The following SEZ6L2 variants were observed in gnomAD, a reference collection of about 807,000 sequenced individuals.
SEZ6L2 encodes seizure 6-like protein 2.
SEZ6L2 carries 44 observed loss-of-function variants against 97.0 expected under a neutral mutation model. That is an observed-to-expected ratio of 0.45 (90% CI 0.36 to 0.58). The LOEUF is 0.58. Ranked by LOEUF, SEZ6L2 falls within the 20% of genes least tolerant of loss-of-function variation. The pLI, the probability that SEZ6L2 is intolerant of heterozygous loss-of-function variation, is 0.00. For missense variants in SEZ6L2, 1,086 were observed against 1,233.3 expected, an observed-to-expected ratio of 0.88 and a Z score of 1.79; for synonymous variants, 543 against 546.1, an observed-to-expected ratio of 0.99 and a Z score of 0.08.
rs1262592398 is a variant in SEZ6L2, at chr16:29,877,605, GC to G, written c.1713-139del. The G allele has an allele frequency of 9.9e-6, 8 of 807,360 alleles. No homozygotes were observed. In the African/African-American group the frequency reaches 1.4e-4, roughly 14 times the overall value. 50.0% of individuals were successfully genotyped at this position (807,360 alleles called of 1,614,324 possible). A position where few individuals can be genotyped will look rare whatever the true frequency, so the allele number is the denominator to read the frequency against. ...CCCATATTCTCCTATCCCAGGTCTG[GC>G]GCCGCCTCCGTTTTGACCAACCATG... On this transcript the variant is annotated intron_variant, in intron 10 of 17. Transcript: ENST00000617533.
intron 8 of SEZ6L2, among the ~76,000 whole-genome samples, chr16:29,882,208 T>A (rs2150792956): frequency 6.6e-6 from 1 of 152,022 alleles, no homozygotes; most frequent in African/African-American, 2.4e-5. Flanking sequence ...TGGGCTCAAG[T>A]GATCCACCTG....
intron 8 of SEZ6L2, among the ~76,000 whole-genome samples, chr16:29,880,403 G>A (rs1035819260): frequency 6.6e-6 from 1 of 151,520 alleles, no homozygotes. Context: ...TTGGCTCACC[G>A]CAACCTCCGC....
At chr16:29,893,254 G>A (rs923487032) in intron 5 of SEZ6L2, among the ~76,000 whole-genome samples, 2 of 152,050 alleles carry the variant, frequency 1.3e-5, no homozygotes, top group African/African-American at 4.8e-5. Flanking sequence ...AACCCGGGAG[G>A]CAGAGGCTGC....
chr16:29,889,863 A>G (rs1187935438), intron 5 of SEZ6L2, among the ~76,000 whole-genome samples: 1 of 151,240 alleles, frequency 6.6e-6, no homozygotes, highest in Non-Finnish European at 1.5e-5. Context: ...CCTGGCCTCA[A>G]GCAAACATGA....
At position 29,876,739 on chromosome 16, in the gene SEZ6L2, G is replaced by C; in HGVS notation, c.2104+17C>G. On this transcript the variant is annotated intron_variant, in intron 12 of 17. Transcript: ENST00000617533. The surrounding 1 kb of genome is among the most constrained non-coding windows in gnomAD (Gnocchi z 6.5). ...GGAAGGGGCGGGGCCGAGGGGACGC[G>C]GGCGGGGCCGGCTCACTCTTTTGGC... 8 of 1,520,000 alleles carry C rather than the reference G, an allele frequency of 5.3e-6. No homozygotes were observed. The South Asian group carries it at 7.3e-5, about 14-fold the overall frequency. 94.2% of individuals were successfully genotyped at this position (1,520,000 alleles called of 1,614,324 possible).
Position 29,887,610 on chromosome 16 carries a change from C to T in SEZ6L2, c.1208+39G>A, listed in dbSNP as rs754786959. ...TACAGGCATGAGCCACCATGCCCGG[C>T]CAAGGTGGGGACTTCTGACCCAAGA... is the stretch of plus-strand genomic sequence containing the variant. On this transcript the variant is annotated intron_variant, in intron 7 of 17. Transcript: ENST00000617533. 4.6e-6 allele frequency: 7 copies of T among 1,516,470 alleles called. No individual in the cohort carries two copies. In the East Asian group the frequency reaches 1.7e-4, roughly 36 times the overall value. 93.9% of individuals were successfully genotyped at this position (1,516,470 alleles called of 1,614,324 possible).
At chr16:29,879,619 T>C (rs1186121701) in intron 9 of SEZ6L2, among the ~76,000 whole-genome samples, 1 of 152,212 alleles carries the variant, frequency 6.6e-6, no homozygotes, top group Non-Finnish European at 1.5e-5. Context: ...GCCTGCCCAA[T>C]CTGTGACTTA....
chr16:29,896,129 A>C (rs566821905), intron 3 of SEZ6L2, among the ~76,000 whole-genome samples: 39 of 152,130 alleles, frequency 2.6e-4, no homozygotes, highest in African/African-American at 8.7e-4. Context: ...TGGTGAGACA[A>C]TTTTTAAAAC....
intron 5 of SEZ6L2, among the ~76,000 whole-genome samples, chr16:29,892,932 C>T (rs1194387581): frequency 6.6e-6 from 1 of 152,226 alleles, no homozygotes; most frequent in African/African-American, 2.4e-5. Context: ...GTCATAGGTC[C>T]TAACAAATGC....
rs754162137 is a variant in SEZ6L2 at position 29,897,057 on chromosome 16, C to T, written c.276G>A (p.Leu92=). The T allele has an allele frequency of 1.3e-6, 2 of 1,581,386 alleles. No individual in the cohort carries two copies. The highest frequency in any genetic ancestry group is 1.1e-5 in the South Asian group (1 of 88,536). ...PAGQTLAVPS[L]PRATEPGTGP... Reference sequence around the variant, plus strand: ...CTGTCCCCGGCTCAGTGGCCCGTGGCAGGGAGGGCACTGCGAGAGTCTGGC... The same window carrying T: ...CTGTCCCCGGCTCAGTGGCCCGTGGTAGGGAGGGCACTGCGAGAGTCTGGC... Residue 92 remains leucine (L), a synonymous_variant, in exon 3 of 18, where the codon CTG becomes CTA. Transcript: ENST00000617533.
intron 4 of SEZ6L2, 73 bp downstream of exon 4, chr16:29,895,648 C>T: frequency 6.5e-7 from 1 of 1,533,836 alleles, no homozygotes; most frequent in Non-Finnish European, 8.8e-7. Flanking sequence ...GCTCCCAGGC[C>T]AAACCCGTGC....
intron 5 of SEZ6L2, among the ~76,000 whole-genome samples, chr16:29,894,479 TC>T (rs2068337120): frequency 7.2e-6 from 1 of 139,052 alleles, no homozygotes; most frequent in South Asian, 2.7e-4. Context: ...AGCTTAGTCA[TC>T]ATCTCCTCCA....
chr16:29,873,780 C>T lies in SEZ6L2; in HGVS notation c.2105-51G>A, dbSNP rs751031052. 30 of 1,488,026 alleles carry T rather than the reference C, an allele frequency of 2.0e-5. No homozygotes were observed. The highest frequency in any genetic ancestry group is 4.2e-5 in the African/African-American group (3 of 71,834). 92.2% of individuals were successfully genotyped at this position (1,488,026 alleles called of 1,614,324 possible). On this transcript the variant is annotated intron_variant, in intron 12 of 17. Transcript: ENST00000617533. This position sits in a 1 kb window ranked among gnomAD's most constrained non-coding sequence, Gnocchi z 4.3. ...GGGAGCGAGGGCCTTCAAAGATCAGCCTGGGCAACACAGAGAGACCCCATC... is the reference window on the plus strand; with the variant it reads ...GGGAGCGAGGGCCTTCAAAGATCAGTCTGGGCAACACAGAGAGACCCCATC...
At chr16:29,896,134 T>A (rs533741008) in intron 3 of SEZ6L2, among the ~76,000 whole-genome samples, 25 of 152,180 alleles carry the variant, frequency 1.6e-4, no homozygotes, top group African/African-American at 5.8e-4. Context: ...AGACAATTTT[T>A]AAAACTTTTT....
At chr16:29,894,501 C>T (rs1269886466) in intron 5 of SEZ6L2, among the ~76,000 whole-genome samples, 3 of 148,994 alleles carry the variant, frequency 2.0e-5, no homozygotes, top group Admixed American at 6.7e-5. Flanking sequence ...AGAAGATGTC[C>T]CCATATTCCT....
intron 5 of SEZ6L2, among the ~76,000 whole-genome samples, chr16:29,891,015 C>T (rs1596986316): frequency 6.6e-6 from 1 of 151,964 alleles, no homozygotes; most frequent in East Asian, 1.9e-4. Context: ...GATCTTGGCT[C>T]ACTGCAACCT....
rs1255681399 is a variant in SEZ6L2, at chr16:29,876,741, G to A, written c.2104+15C>T. 1.3e-6 allele frequency: 2 copies of A among 1,522,904 alleles called. No individual in the cohort carries two copies. The highest frequency in any genetic ancestry group is 1.8e-6 in the Non-Finnish European group (2 of 1,130,582). 94.3% of individuals were successfully genotyped at this position (1,522,904 alleles called of 1,614,324 possible). ...AAGGGGCGGGGCCGAGGGGACGCGG[G>A]CGGGGCCGGCTCACTCTTTTGGCAG... On this transcript the variant is annotated intron_variant, in intron 12 of 17. Coordinates refer to ENST00000617533, the MANE Select transcript of SEZ6L2 (RefSeq NM_001243332.2). This position sits in a 1 kb window ranked among gnomAD's most constrained non-coding sequence, Gnocchi z 6.5.
intron 8 of SEZ6L2, among the ~76,000 whole-genome samples, chr16:29,884,019 A>G (rs1303136841): frequency 6.6e-6 from 1 of 151,958 alleles, no homozygotes; most frequent in Non-Finnish European, 1.5e-5. Flanking sequence ...CCTTGTTTCT[A>G]CCCCTTCACA....
intron 7 of SEZ6L2, 109 bp from the exon 8 acceptor site, chr16:29,885,858 A>G (rs2068128747): frequency 9.3e-7 from 1 of 1,072,098 alleles, no homozygotes; most frequent in Non-Finnish European, 1.3e-6. Context: ...ACACATAACT[A>G]TATGCCACGC....
Sources: allele counts gnomAD v4.1 joint callset (sites outside exome capture counted in the v4.1 genomes callset), GRCh38; gene constraint gnomAD v4.1.1; non-coding constraint Gnocchi (gnomAD v3.1); transcripts MANE v1.5; gene names NCBI Gene and HGNC (gene_info 2026-07-23, HGNC 2026-07-21).